WDR20: variants seen among roughly 807,000 people sequenced by gnomAD.
WDR20 encodes WD repeat domain 20.
A neutral mutation model predicts 38.7 loss-of-function variants in WDR20; 3 were observed. The observed-to-expected ratio is 0.08, with a 90% confidence interval of 0.04 to 0.20. The LOEUF (loss-of-function observed/expected upper bound fraction) is 0.20, where lower values mean the gene tolerates loss of function less well. Among genes scored for constraint, WDR20 ranks in the 10% least tolerant of loss-of-function variants. WDR20 has a pLI of 1.00. For missense variants in WDR20, 559 were observed against 727.7 expected, an observed-to-expected ratio of 0.77 and a Z score of 2.67; for synonymous variants, 298 against 285.6, an observed-to-expected ratio of 1.04 and a Z score of -0.44.
intron 1 of WDR20, among the ~76,000 whole-genome samples, chr14:102,159,951 A>T (rs1386211198): frequency 6.6e-6 from 1 of 152,128 alleles, no homozygotes; most frequent in Non-Finnish European, 1.5e-5. Context: ...CAAAAAATTT[A>T]AAAACTAGCC....
In WDR20 at chr14:102,209,624, G is replaced by A; in HGVS notation, c.1454G>A (p.Gly485Glu). ...GATCACAAGCGAAATCATAGCATGG[G>A]ACACATTTCTAGCAAGAGCAGTGAC... is the stretch of plus-strand genomic sequence containing the variant. ...EKDHKRNHSM[G>E]HISSKSSDKL... The change falls in exon 3 of 3, where the codon GGA (glycine) becomes GAA (glutamate). Residue 485 changes from glycine (G) to glutamate (E), a missense_variant. Coordinates refer to ENST00000342702, the MANE Select transcript of WDR20 (RefSeq NM_144574.4). This position sits in a 1 kb window ranked among gnomAD's most constrained non-coding sequence, Gnocchi z 6.0. The A allele has an allele frequency of 6.2e-7, 1 of 1,614,148 alleles. No individual in the cohort carries two copies. The highest frequency in any genetic ancestry group is 8.5e-7 in the Non-Finnish European group (1 of 1,180,040).
At position 102,209,719 on chromosome 14, in the gene WDR20, A is replaced by G; in HGVS notation, c.1549A>G (p.Met517Val). 6.2e-7 allele frequency: 1 copy of G among 1,614,200 alleles called. No homozygotes were observed. The highest frequency in any genetic ancestry group is 1.1e-5 in the South Asian group (1 of 91,092). ...TCTGGGAACGCCCCTGTGTCCTCGA[A>G]TGGAAGATGTTCCCTTGTTAGAGCC... ...KTLGTPLCPR[M>V]EDVPLLEPLI... is the part of the protein sequence containing the mutation. Residue 517 changes from methionine (M) to valine (V), a missense_variant, in exon 3 of 3, where the codon ATG (methionine) becomes GTG (valine). Coordinates refer to ENST00000342702, the MANE Select transcript of WDR20 (RefSeq NM_144574.4). This position sits in a 1 kb window ranked among gnomAD's most constrained non-coding sequence, Gnocchi z 6.0.
rs535389994 is a variant in WDR20 at position 102,195,085 on chromosome 14, A to G, written c.397A>G (p.Ile133Val). Residue 133 changes from isoleucine to valine, a missense_variant, in exon 2 of 3, where the codon ATC (isoleucine) becomes GTC (valine). Coordinates refer to ENST00000342702, the MANE Select transcript of WDR20 (RefSeq NM_144574.4). Reference protein sequence around the residue: ...SAGQVQLIDPIKKETSKLFNE... With the variant: ...SAGQVQLIDPVKKETSKLFNE... ...AGGCCAAGTCCAGCTTATAGACCCAATCAAAAAAGAAACTAGCAAACTTTT... is the reference window on the plus strand; with the variant it reads ...AGGCCAAGTCCAGCTTATAGACCCAGTCAAAAAAGAAACTAGCAAACTTTT... 4.3e-6 allele frequency: 7 copies of G among 1,613,958 alleles called. No individual in the cohort carries two copies. Among genetic ancestry groups the G allele is most frequent in the Non-Finnish European group, 5.9e-6 (7 of 1,179,998 alleles).
At chr14:102,219,625 G>C (rs1198502123), downstream of WDR20, among the ~76,000 whole-genome samples, 1 of 152,230 alleles carries the variant, frequency 6.6e-6, no homozygotes, top group Non-Finnish European at 1.5e-5. Context: ...GCGGGCTCCA[G>C]GGAGTCCCTG....
chr14:102,206,819 T>TG (rs1410864638), intron 2 of WDR20, among the ~76,000 whole-genome samples: 1 of 152,090 alleles, frequency 6.6e-6, no homozygotes, highest in African/African-American at 2.4e-5. Context: ...AGAGCTGTGA[T>TG]GGGGGAGTGG....
rs1279840626 is a variant in WDR20 at position 102,220,077 on chromosome 14, G to T, written c.1693-2753G>T. Among the ~76,000 whole-genome samples the T allele has an allele frequency of 6.6e-6, 1 of 152,228 alleles. No individual in the cohort carries two copies. Among genetic ancestry groups the T allele is most frequent in the East Asian group, 1.9e-4 (1 of 5,188 alleles). On this transcript the variant is annotated intron_variant, in intron 3 of 3. Transcript: ENST00000335263. The surrounding 1 kb of genome is among the most constrained non-coding windows in gnomAD (Gnocchi z 4.2). ...CCTCGCGTTGGGTCGCTTTCTAGGG[G>T]TGCGGCTTTGTAGGGACCAGCTGGC...
chr14:102,164,730 A>T (rs942125724), intron 1 of WDR20, among the ~76,000 whole-genome samples: 1 of 152,162 alleles, frequency 6.6e-6, no homozygotes. Flanking sequence ...CCCACTCAGT[A>T]CTTCACCTCC....
chr14:102,218,683 G>C (rs910642068), downstream of WDR20, among the ~76,000 whole-genome samples: 1 of 151,890 alleles, frequency 6.6e-6, no homozygotes, highest in Non-Finnish European at 1.5e-5. Flanking sequence ...TCTCTAGCGG[G>C]AATAAAACAG....
chr14:102,169,794 C>T (rs1280033790), intron 1 of WDR20, among the ~76,000 whole-genome samples: 1 of 152,158 alleles, frequency 6.6e-6, no homozygotes, highest in African/African-American at 2.4e-5. Context: ...TCCCAAAGTG[C>T]TGGGATTACA....
chr14:102,167,784 A>G (rs1193931019), intron 1 of WDR20: 2 of 152,230 alleles, frequency 1.3e-5, no homozygotes, highest in Non-Finnish European at 2.9e-5. Flanking sequence ...ACTAGATTGC[A>G]GACTATTGAG....
At chr14:102,200,495 G>A (rs1239765095) in intron 2 of WDR20, among the ~76,000 whole-genome samples, 1 of 132,210 alleles carries the variant, frequency 7.6e-6, no homozygotes. Flanking sequence ...GTGTGTGTGT[G>A]TGTGTGTGTG....
At chr14:102,204,705 T>C (rs1268339407) in intron 2 of WDR20, among the ~76,000 whole-genome samples, 1 of 152,238 alleles carries the variant, frequency 6.6e-6, no homozygotes, top group Non-Finnish European at 1.5e-5. Context: ...CGAGGCAATT[T>C]GGTAACATCT....
intron 1 of WDR20, among the ~76,000 whole-genome samples, chr14:102,188,109 A>G (rs1420678940): frequency 6.6e-6 from 1 of 152,224 alleles, no homozygotes; most frequent in Non-Finnish European, 1.5e-5. Context: ...CACCTGATTC[A>G]TTTAAAATTA....
intron 2 of WDR20, among the ~76,000 whole-genome samples, chr14:102,196,656 G>T (rs918426198): frequency 8.5e-5 from 13 of 152,136 alleles, no homozygotes; most frequent in Non-Finnish European, 4.4e-5. Context: ...GTCGTGGCAG[G>T]GGGAGGGCAG....
chr14:102,223,490 T>C (rs2064126499), exon 4 of WDR20: 1 of 152,644 alleles, frequency 6.6e-6, no homozygotes, highest in Non-Finnish European at 1.5e-5. Context: ...GATGCCCTTT[T>C]TACCCGTTGA....
At chr14:102,191,893 A>G (rs1409424721) in intron 1 of WDR20, among the ~76,000 whole-genome samples, 1 of 152,242 alleles carries the variant, frequency 6.6e-6, no homozygotes, top group African/African-American at 2.4e-5. Flanking sequence ...GTCTATGTGG[A>G]TTGATACTTT....
At position 102,185,433 on chromosome 14, in the gene WDR20, C is replaced by T. The variant is rs115448541; in HGVS notation, c.250-9505C>T. ...ACATGGAGTTACATGGTGATAGAAT[C>T]GTAGAACTAGGTGCCACCTCACATG... On this transcript the variant is annotated intron_variant, in intron 1 of 2. Transcript: ENST00000342702. 4.6e-3 allele frequency among the ~76,000 whole-genome samples: 695 copies of T among 152,128 alleles called. 6 individuals are homozygous for T. The highest frequency in any genetic ancestry group is 0.015 in the African/African-American group (643 of 41,490).
intron 1 of WDR20, among the ~76,000 whole-genome samples, chr14:102,148,702 TG>T (rs2152706437): frequency 8.2e-6 from 1 of 121,878 alleles, no homozygotes; most frequent in African/African-American, 2.8e-5. Flanking sequence ...TGTGTGTGTG[TG>T]TGTGTTTGGA....
In WDR20 at chr14:102,185,530, C is replaced by T. The variant is rs145524127; in HGVS notation, c.250-9408C>T. 2.6e-5 allele frequency among the ~76,000 whole-genome samples: 4 copies of T among 152,266 alleles called. No homozygotes were observed. The East Asian group carries it at 7.7e-4, about 29-fold the overall frequency. ...ACGGGCTGGAATTTCGATGGCCAGA[C>T]TCTACCACTGGGTTCCTCTGGGCGG... On this transcript the variant is annotated intron_variant, in intron 1 of 2. Transcript: ENST00000342702.
Sources: gnomAD v4.1 joint callset for allele counts (sites outside exome capture counted in the v4.1 genomes callset) on GRCh38, gnomAD v4.1.1 for gene constraint, Gnocchi (gnomAD v3.1) non-coding constraint, MANE v1.5 for transcripts, NCBI Gene and HGNC (gene_info 2026-07-23, HGNC 2026-07-21) for gene names.